The following DDX60L variants were observed in gnomAD, a reference collection of about 807,000 sequenced individuals.
The protein encoded by DDX60L is probable ATP-dependent RNA helicase DDX60-like.
In DDX60L, 191 loss-of-function variants were observed where a neutral mutation model predicts 211.6. The ratio of observed to expected loss-of-function variants is 0.90; its 90% CI spans 0.80 to 1.02. DDX60L has a LOEUF of 1.02. Ranked by LOEUF, DDX60L falls within the 50% of genes least tolerant of loss-of-function variation. The pLI, the probability that DDX60L is intolerant of heterozygous loss-of-function variation, is 0.00. For synonymous variants in DDX60L, 706 were observed against 694.1 expected (o/e 1.02, Z -0.27); for missense variants, 2,007 against 1,984.1 (o/e 1.01, Z -0.22).
At chr4:168,366,300 C>T (rs981126353) in intron 36 of DDX60L, among the ~76,000 whole-genome samples, 3 of 151,962 alleles carry the variant, frequency 2.0e-5, no homozygotes, top group African/African-American at 7.2e-5. Context: ...TTGCAGGATA[C>T]AAAATTAACA....
intron 9 of DDX60L, among the ~76,000 whole-genome samples, chr4:168,442,392 G>C (rs939085607): frequency 6.6e-6 from 1 of 152,116 alleles, no homozygotes; most frequent in Non-Finnish European, 1.5e-5. Flanking sequence ...ACAGCAGTCT[G>C]AGATCAAACT....
At chr4:168,446,080 A>T (rs1449551937) in intron 9 of DDX60L, among the ~76,000 whole-genome samples, 1 of 151,002 alleles carries the variant, frequency 6.6e-6, no homozygotes, top group African/African-American at 2.4e-5. Context: ...GGAAAAGAGG[A>T]AGTCAAATTG....
intron 36 of DDX60L, among the ~76,000 whole-genome samples, chr4:168,363,384 G>C (rs1226916617): frequency 4.6e-5 from 7 of 152,166 alleles, no homozygotes; most frequent in Admixed American, 4.6e-4. Flanking sequence ...CTCATCGATA[G>C]AAGTAAATTC....
chr4:168,363,387 G>T (rs1560917533), intron 36 of DDX60L, among the ~76,000 whole-genome samples: 1 of 152,194 alleles, frequency 6.6e-6, no homozygotes, highest in African/African-American at 2.4e-5. Context: ...ATCGATAGAA[G>T]TAAATTCGTA....
intron 8 of DDX60L, 48 bp downstream of exon 8, chr4:168,453,076 G>C (rs1483701432): frequency 2.0e-6 from 3 of 1,526,854 alleles, no homozygotes; most frequent in African/African-American, 2.8e-5. Flanking sequence ...AGGTGATCAT[G>C]GTTTTCATCT....
intron 13 of DDX60L, among the ~76,000 whole-genome samples, chr4:168,429,348 G>A (rs759027185): frequency 7.2e-5 from 11 of 152,000 alleles, no homozygotes; most frequent in African/African-American, 1.7e-4. Flanking sequence ...GTTTCACCAC[G>A]TTGGCCAGCC....
intron 5 of DDX60L, among the ~76,000 whole-genome samples, chr4:168,460,510 G>A (rs2171677): frequency 0.29 from 44,334 of 151,890 alleles, 6,923 homozygotes; most frequent in African/African-American, 0.4. Context: ...GGATCTGGGC[G>A]GCAGGACACC....
chr4:168,402,796 C>T (rs1445000154), intron 25 of DDX60L, among the ~76,000 whole-genome samples: 1 of 152,168 alleles, frequency 6.6e-6, no homozygotes, highest in East Asian at 1.9e-4. Flanking sequence ...TCTCAATGTT[C>T]CAGAGCTACA....
intron 8 of DDX60L, among the ~76,000 whole-genome samples, chr4:168,449,652 C>CAAAAAAAAAAAAAAA: frequency 2.9e-3 from 23 of 7,928 alleles, no homozygotes; most frequent in African/African-American, 4.9e-3. Flanking sequence ...AAAAAAAATG[C>CAAAAAAAAAAAAAAA]AAAAAAAAAA....
chr4:168,398,081 C>T (rs903339818), intron 26 of DDX60L, among the ~76,000 whole-genome samples: 2 of 152,276 alleles, frequency 1.3e-5, no homozygotes, highest in East Asian at 1.9e-4. Context: ...TGCAGCCACC[C>T]AAGCTGCAAC....
intron 5 of DDX60L, among the ~76,000 whole-genome samples, chr4:168,459,814 AGGAG>A (rs1383028201): frequency 1.9e-4 from 25 of 130,198 alleles, no homozygotes; most frequent in African/African-American, 6.6e-4. Context: ...GAAGGAAGGA[AGGAG>A]GGAAGGGAGG....
At position 168,458,786 on chromosome 4, in the gene DDX60L, G is replaced by A. The variant is rs868569781; in HGVS notation, c.607-778C>T. Among the ~76,000 whole-genome samples the A allele has an allele frequency of 5.3e-5, 8 of 152,230 alleles. No individual in the cohort carries two copies. The East Asian group carries it at 7.7e-4, about 15-fold the overall frequency. ...TATGTAACAAACCTGCATGTTCTGC[G>A]CATGTATCCCAGAATTTAAAATAAA... On this transcript the variant is annotated intron_variant, in intron 5 of 37. Transcript: ENST00000682922.
chr4:168,380,324 C>A (rs535252524), intron 30 of DDX60L: 111 of 152,654 alleles, frequency 7.3e-4, no homozygotes, highest in Non-Finnish European at 1.4e-3. Context: ...GGAGGTGGGG[C>A]CTGATTGGAG....
At chr4:168,381,075 C>T (rs1302972315) in intron 30 of DDX60L, among the ~76,000 whole-genome samples, 4 of 152,182 alleles carry the variant, frequency 2.6e-5, no homozygotes, top group East Asian at 1.9e-4. Context: ...TCAACCTATG[C>T]GCATATGTGT....
chr4:168,393,538 G>C (rs1456589952), intron 28 of DDX60L, among the ~76,000 whole-genome samples: 2 of 151,878 alleles, frequency 1.3e-5, no homozygotes, highest in East Asian at 3.9e-4. Flanking sequence ...ATAGTGTAAC[G>C]GCTACCCTTC....
At chr4:168,454,213 T>C (rs1000782787) in intron 7 of DDX60L, among the ~76,000 whole-genome samples, 1 of 152,350 alleles carries the variant, frequency 6.6e-6, no homozygotes, top group Non-Finnish European at 1.5e-5. Context: ...TCTTCATTTT[T>C]TACTGTTTAT....
rs1750324786 is a variant in DDX60L at position 168,420,453 on chromosome 4, TCCATAC to T, written c.2395-79_2395-74del. 7 of 1,022,446 alleles carry T rather than the reference TCCATAC, an allele frequency of 6.8e-6. No individual in the cohort carries two copies. In the Admixed American group the frequency reaches 1.2e-4, roughly 17 times the overall value. The allele number at this position is 1,022,446 out of a possible 1,614,324, so 63.3% of individuals were successfully genotyped here. A position where few individuals can be genotyped will look rare whatever the true frequency, so the allele number is the denominator to read the frequency against. On this transcript the variant is annotated intron_variant, in intron 17 of 37. Transcript: ENST00000682922. ...ATATAAAACCTTGAGGACAACCGAA[TCCATAC>T]ACATACACACACACACACACACACA...
intron 30 of DDX60L, among the ~76,000 whole-genome samples, chr4:168,382,580 T>A (rs1743154154): frequency 6.6e-6 from 1 of 152,146 alleles, no homozygotes; most frequent in Non-Finnish European, 1.5e-5. Flanking sequence ...ATTCAATCTT[T>A]CATTTCACTT....
intron 4 of DDX60L, among the ~76,000 whole-genome samples, chr4:168,464,240 A>G (rs1228680517): frequency 6.6e-6 from 1 of 152,184 alleles, no homozygotes; most frequent in Non-Finnish European, 1.5e-5. Context: ...CACATGGTAC[A>G]TTCACCAAAA....
Sources: gnomAD v4.1 joint callset for allele counts (sites outside exome capture counted in the v4.1 genomes callset) on GRCh38, gnomAD v4.1.1 for gene constraint, MANE v1.5 for transcripts, NCBI Gene and HGNC (gene_info 2026-07-23, HGNC 2026-07-21) for gene names.